NUP93: variants seen among roughly 807,000 people sequenced by gnomAD.
The protein encoded by NUP93 is nucleoporin 93.
In NUP93, 55 loss-of-function variants were observed where a neutral mutation model predicts 107.8. That is an observed-to-expected ratio of 0.51 (90% CI 0.41 to 0.64). The LOEUF (loss-of-function observed/expected upper bound fraction) is 0.64. Among genes scored for constraint, NUP93 ranks in the 30% least tolerant of loss-of-function variants. The pLI, the probability that NUP93 is intolerant of heterozygous loss-of-function variation, is 0.00. For synonymous variants in NUP93, 390 were observed against 397.5 expected, an observed-to-expected ratio of 0.98 and a Z score of 0.22; for missense variants, 937 against 1,044.7, an observed-to-expected ratio of 0.90 and a Z score of 1.42.
intron 4 of NUP93, among the ~76,000 whole-genome samples, chr16:56,800,162 G>A (rs966672725): frequency 6.6e-6 from 1 of 152,162 alleles, no homozygotes; most frequent in Non-Finnish European, 1.5e-5. Context: ...CAGCCAGGGT[G>A]ACAGAGTGAG....
At chr16:56,822,897 T>C (rs1186140840) in intron 7 of NUP93, among the ~76,000 whole-genome samples, 2 of 152,224 alleles carry the variant, frequency 1.3e-5, no homozygotes, top group African/African-American at 4.8e-5. Flanking sequence ...TGTCTGGACA[T>C]TCTAAAATTT....
chr16:56,834,218 A>G lies in NUP93; in HGVS notation c.1628A>G (p.Asp543Gly). Reference sequence around the variant, plus strand: ...TACACCCGGAAGTTTGAGTCCACGGACCCAAGGGAGGCCCTCCAGTACTTC... The same window carrying G: ...TACACCCGGAAGTTTGAGTCCACGGGCCCAAGGGAGGCCCTCCAGTACTTC... ...MLYTRKFEST[D>G]PREALQYFYF... Residue 543 changes from aspartate (D) to glycine (G), a missense_variant, in exon 14 of 22, where the codon GAC becomes GGC. Asp to Gly is a moderately conservative substitution (Grantham distance 94, BLOSUM62 -1). Coordinates refer to ENST00000308159, the MANE Select transcript of NUP93 (RefSeq NM_014669.5). 1 of 1,613,986 alleles carries G rather than the reference A, an allele frequency of 6.2e-7. No individual in the cohort carries two copies. Among genetic ancestry groups the G allele is most frequent in the Non-Finnish European group, 8.5e-7 (1 of 1,179,996 alleles).
In NUP93 at chr16:56,814,853, A is replaced by G. The variant is rs180823254; in HGVS notation, c.490-3811A>G. Among the ~76,000 whole-genome samples the G allele has an allele frequency of 7.2e-3, 1,091 of 152,304 alleles. 10 individuals are homozygous for G. The highest frequency in any genetic ancestry group is 8.6e-3 in the Non-Finnish European group (583 of 68,018). On this transcript the variant is annotated intron_variant, in intron 5 of 21. Coordinates refer to ENST00000308159, the MANE Select transcript of NUP93 (RefSeq NM_014669.5). ...CCTTGCTATGGCTCCGCCAAGCCCC[A>G]GTGCAGAGAACCCCAGAGATTGGTG...
At chr16:56,781,793 G>A (rs538870704) in intron 3 of NUP93, 14 of 982,502 alleles carry the variant, frequency 1.4e-5, no homozygotes, top group Middle Eastern at 5.2e-4. Flanking sequence ...GGTACAGTCC[G>A]TTAACAATAA....
chr16:56,834,606 C>T, intron 15 of NUP93, 128 bp from the exon 16 acceptor site: 1 of 1,117,044 alleles, frequency 9.0e-7, no homozygotes, highest in Non-Finnish European at 1.3e-6. Flanking sequence ...TTCAGTCACA[C>T]TGATTTTTAG....
chr16:56,811,517 GT>G (rs149356174), intron 5 of NUP93, among the ~76,000 whole-genome samples: 9 of 146,332 alleles, frequency 6.2e-5, no homozygotes, highest in Non-Finnish European at 1.5e-5. Flanking sequence ...TTTTGTTTTT[GT>G]TTTTTTTTTT....
intron 5 of NUP93, among the ~76,000 whole-genome samples, chr16:56,817,817 A>G (rs1380822638): frequency 1.1e-4 from 17 of 152,212 alleles, no homozygotes; most frequent in African/African-American, 4.1e-4. Context: ...GTATAGTAAT[A>G]TGTTGTACAG....
At chr16:56,784,330 T>C (rs930846597) in intron 3 of NUP93, among the ~76,000 whole-genome samples, 24 of 152,214 alleles carry the variant, frequency 1.6e-4, no homozygotes, top group African/African-American at 5.5e-4. Context: ...TAATGACCTA[T>C]AATAGCTGAT....
chr16:56,740,189 T>A (rs1471443154), intron 1 of NUP93, among the ~76,000 whole-genome samples: 1 of 131,912 alleles, frequency 7.6e-6, no homozygotes. Flanking sequence ...ACTTCCCAGA[T>A]GGGGTGGCTG....
chr16:56,764,973 C>G (rs1340587479), intron 3 of NUP93, among the ~76,000 whole-genome samples: 1 of 152,212 alleles, frequency 6.6e-6, no homozygotes, highest in Non-Finnish European at 1.5e-5. Flanking sequence ...TTTAGCAAAT[C>G]CGAGGAAGAG....
At position 56,840,178 on chromosome 16, in the gene NUP93, G is replaced by T. The variant is rs139475554; in HGVS notation, c.2220+574G>T. On this transcript the variant is annotated intron_variant, in intron 20 of 21. Transcript: ENST00000308159. Reference sequence around the variant, plus strand: ...TGGGACTACAGGTGCCCGCCAACACGCCCAGCTAATTTTTTGTATATTTAG... The same window carrying T: ...TGGGACTACAGGTGCCCGCCAACACTCCCAGCTAATTTTTTGTATATTTAG... 7.7e-3 allele frequency among the ~76,000 whole-genome samples: 1,164 copies of T among 152,146 alleles called. 17 individuals carry two copies. The highest frequency in any genetic ancestry group is 0.027 in the African/African-American group (1,101 of 41,496).
intron 3 of NUP93, among the ~76,000 whole-genome samples, chr16:56,763,793 G>A (rs1962171703): frequency 6.6e-6 from 1 of 151,756 alleles, no homozygotes; most frequent in Admixed American, 6.6e-5. Flanking sequence ...AGATTATGTT[G>A]TTGGAATTGA....
At chr16:56,781,914 C>CG (rs1962522746) in intron 3 of NUP93, 2 of 985,124 alleles carry the variant, frequency 2.0e-6, no homozygotes, top group African/African-American at 3.5e-5. Context: ...TGCTGTGCTC[C>CG]GGGGGCTGCA....
chr16:56,834,506 G>A (rs574385405), intron 15 of NUP93, 64 bp downstream of exon 15: 34 of 1,519,384 alleles, frequency 2.2e-5, no homozygotes, highest in African/African-American at 1.2e-4. Context: ...TGCTCATTCC[G>A]TATTGCGTGT....
intron 1 of NUP93, among the ~76,000 whole-genome samples, chr16:56,732,477 G>A (rs1343872566): frequency 2.0e-5 from 3 of 152,180 alleles, no homozygotes; most frequent in Non-Finnish European, 4.4e-5. Context: ...TCTTAAAGGA[G>A]GACAGGGATA....
rs1964096701 is a variant in NUP93 at position 56,844,852 on chromosome 16, C to A, written c.*243C>A. The A allele has an allele frequency of 2.5e-6, 1 of 403,274 alleles. No individual in the cohort carries two copies. Among genetic ancestry groups the A allele is most frequent in the Admixed American group, 4.4e-5 (1 of 22,682 alleles). 25.0% of individuals were successfully genotyped at this position (403,274 alleles called of 1,614,324 possible). A position where few individuals can be genotyped will look rare whatever the true frequency, so the allele number is the denominator to read the frequency against. The stretch of plus-strand genomic sequence containing the variant: ...ATTTGTGTAATGGGAAATACCGTCA[C>A]TAGCTCTTGGGCCAGGGAATGAGAG... On this transcript the variant is annotated 3_prime_UTR_variant, in exon 22 of 22. Coordinates refer to ENST00000308159, the MANE Select transcript of NUP93 (RefSeq NM_014669.5).
At chr16:56,824,971 A>G (rs1167079515) in intron 8 of NUP93, among the ~76,000 whole-genome samples, 4 of 152,200 alleles carry the variant, frequency 2.6e-5, no homozygotes, top group East Asian at 1.9e-4. Flanking sequence ...ATCTTCAGCC[A>G]TAAAGAACCT....
chr16:56,771,890 T>C (rs1174273806), intron 3 of NUP93, among the ~76,000 whole-genome samples: 3 of 152,242 alleles, frequency 2.0e-5, no homozygotes, highest in African/African-American at 7.2e-5. Flanking sequence ...TTAGGTGGAC[T>C]GGAAGGAATG....
At chr16:56,788,607 G>A (rs1290447267) in intron 3 of NUP93, among the ~76,000 whole-genome samples, 1 of 152,232 alleles carries the variant, frequency 6.6e-6, no homozygotes, top group African/African-American at 2.4e-5. Flanking sequence ...GGGATGACCA[G>A]AGAGAGAAGT....
Sources: gnomAD v4.1 joint callset for allele counts (sites outside exome capture counted in the v4.1 genomes callset) on GRCh38, gnomAD v4.1.1 for gene constraint, MANE v1.5 for transcripts, NCBI Gene and HGNC (gene_info 2026-07-23, HGNC 2026-07-21) for gene names.